The following TIAM1 variants were observed in gnomAD, a reference collection of about 807,000 sequenced individuals.
The protein encoded by TIAM1 is rho guanine nucleotide exchange factor TIAM1.
In TIAM1, 65 loss-of-function variants were observed where a neutral mutation model predicts 163.5. The ratio of observed to expected loss-of-function variants is 0.40; its 90% confidence interval spans 0.33 to 0.49. TIAM1 has a LOEUF of 0.49. Ranked by LOEUF, TIAM1 falls within the 20% of genes least tolerant of loss-of-function variation. TIAM1 has a pLI of 0.77. For synonymous variants in TIAM1, 833 were observed against 810.1 expected (o/e 1.03, Z -0.48); for missense variants, 1,789 against 2,044.7 (o/e 0.87, Z 2.41).
At chr21:31,440,293 T>A (rs1309300944) in intron 2 of TIAM1, among the ~76,000 whole-genome samples, 1 of 152,152 alleles carries the variant, frequency 6.6e-6, no homozygotes, top group Non-Finnish European at 1.5e-5. Context: ...CAATCTAGCT[T>A]TCCCTTATAA....
rs540282878 is a variant in TIAM1, at chr21:31,412,262, C to T, written c.-369+51721G>A. ...CTGTAGAGTGTGGAACGATAGACAACGAAGACTTGAAAGGATGGCGGGGTG... is the reference window on the plus strand; with the variant it reads ...CTGTAGAGTGTGGAACGATAGACAATGAAGACTTGAAAGGATGGCGGGGTG... On this transcript the variant is annotated intron_variant, in intron 2 of 28. Transcript: ENST00000286827. Among the ~76,000 whole-genome samples, 22 of 152,152 alleles carry T rather than the reference C, an allele frequency of 1.4e-4. No individual in the cohort carries two copies. The South Asian group carries it at 3.7e-3, about 26-fold the overall frequency.
At chr21:31,538,448 T>C (rs895182432) in intron 1 of TIAM1, among the ~76,000 whole-genome samples, 4 of 152,162 alleles carry the variant, frequency 2.6e-5, no homozygotes, top group Non-Finnish European at 5.9e-5. Flanking sequence ...GAGGCTGAGA[T>C]GGGAGAAGAC....
intron 2 of TIAM1, among the ~76,000 whole-genome samples, chr21:31,385,486 T>A (rs1231198762): frequency 6.6e-6 from 1 of 151,966 alleles, no homozygotes; most frequent in African/African-American, 2.4e-5. Flanking sequence ...AGGGAGAGCC[T>A]GAGAGTCACC....
At chr21:31,404,411 T>C (rs976663714) in intron 2 of TIAM1, among the ~76,000 whole-genome samples, 1 of 152,138 alleles carries the variant, frequency 6.6e-6, no homozygotes, top group African/African-American at 2.4e-5. Context: ...CTATACAACA[T>C]TTATTACAGT....
chr21:31,324,026 C>G (rs190218352), intron 2 of TIAM1, among the ~76,000 whole-genome samples: 123 of 147,690 alleles, frequency 8.3e-4, no homozygotes, highest in African/African-American at 2.9e-3. Flanking sequence ...AAAAAAAAAT[C>G]AGTGACTTCC....
chr21:31,160,646 G>A, intron 16 of TIAM1: 1 of 396,508 alleles, frequency 2.5e-6, no homozygotes, highest in Non-Finnish European at 4.4e-6. Flanking sequence ...TCTGAAGAGA[G>A]CATCCTCTCA....
At chr21:31,227,589 G>A (rs1231343323) in intron 6 of TIAM1, among the ~76,000 whole-genome samples, 2 of 151,452 alleles carry the variant, frequency 1.3e-5, no homozygotes. Context: ...TAAAGACTGA[G>A]TGGGAGGAGG....
chr21:31,250,916 G>A (rs1161120264), intron 5 of TIAM1, among the ~76,000 whole-genome samples: 1 of 152,150 alleles, frequency 6.6e-6, no homozygotes, highest in Non-Finnish European at 1.5e-5. Flanking sequence ...ATCTACACAT[G>A]CATGTCTGTA....
intron 2 of TIAM1, among the ~76,000 whole-genome samples, chr21:31,306,358 T>C (rs1181855534): frequency 1.3e-5 from 2 of 151,996 alleles, no homozygotes; most frequent in East Asian, 3.9e-4. Context: ...TACAAGTCCA[T>C]ATAGAGAGAA....
In TIAM1 at chr21:31,131,113, C is replaced by CA. The variant is rs542122911; in HGVS notation, c.3884-166dup. ...ATTCATTCATCACATCTGTGAAAAT[C>CA]AAAAGCCTATTGAGACACAAGTTTC... On this transcript the variant is annotated intron_variant, in intron 23 of 27. Coordinates refer to ENST00000541036, the MANE Select transcript of TIAM1 (RefSeq NM_001353694.2). Among the ~76,000 whole-genome samples the CA allele has an allele frequency of 6.6e-4, 101 of 152,272 alleles. 2 individuals carry two copies. In the South Asian group the frequency reaches 0.02, roughly 30 times the overall value.
intron 4 of TIAM1, among the ~76,000 whole-genome samples, chr21:31,259,629 A>AT (rs112367109): frequency 1.2e-3 from 172 of 146,260 alleles, no homozygotes; most frequent in Non-Finnish European, 2.1e-3. Flanking sequence ...TAAAAAAATA[A>AT]AATAATAATA....
At chr21:31,193,098 T>C (rs1204876693) in intron 13 of TIAM1, among the ~76,000 whole-genome samples, 1 of 152,182 alleles carries the variant, frequency 6.6e-6, no homozygotes, top group Admixed American at 6.5e-5. Context: ...TACAGTGTAA[T>C]GCTAAGTAAA....
At chr21:31,230,248 G>A (rs8131450) in intron 6 of TIAM1, among the ~76,000 whole-genome samples, 7,865 of 152,068 alleles carry the variant, frequency 0.052, 666 homozygotes, top group African/African-American at 0.18. Flanking sequence ...CAGCAAGCTC[G>A]GCTGAATATA....
intron 2 of TIAM1, among the ~76,000 whole-genome samples, chr21:31,376,952 G>A (rs1366485902): frequency 1.3e-5 from 2 of 151,784 alleles, no homozygotes; most frequent in Non-Finnish European, 2.9e-5. Flanking sequence ...TCTGCCTCCC[G>A]GGTTCAAGCA....
At chr21:31,175,606 CTTTT>C (rs141269267) in intron 15 of TIAM1, among the ~76,000 whole-genome samples, 1 of 150,308 alleles carries the variant, frequency 6.7e-6, no homozygotes, top group Admixed American at 6.6e-5. Context: ...CTTTATAAAA[CTTTT>C]TTTTTTGAGA....
At chr21:31,192,943 G>A (rs1018782401) in intron 13 of TIAM1, among the ~76,000 whole-genome samples, 5 of 152,170 alleles carry the variant, frequency 3.3e-5, no homozygotes, top group African/African-American at 1.2e-4. Flanking sequence ...GTGAATGTGA[G>A]AAATAAATGT....
At chr21:31,283,363 A>C (rs564971657) in intron 2 of TIAM1, among the ~76,000 whole-genome samples, 24 of 152,190 alleles carry the variant, frequency 1.6e-4, no homozygotes, top group Non-Finnish European at 2.8e-4. Flanking sequence ...GCCAGTGTCC[A>C]AATCTCCCAA....
At chr21:31,160,304 G>A (rs959357765) in intron 16 of TIAM1, 3 of 396,294 alleles carry the variant, frequency 7.6e-6, no homozygotes, top group African/African-American at 6.2e-5. Context: ...ATGAACAAGG[G>A]TATCCAGAGG....
At chr21:31,372,951 A>T (rs921969742) in intron 2 of TIAM1, among the ~76,000 whole-genome samples, 3 of 150,782 alleles carry the variant, frequency 2.0e-5, no homozygotes, top group Admixed American at 6.6e-5. Context: ...GCTACTCGGG[A>T]GGGTGAGGCA....
Sources: allele counts gnomAD v4.1 joint callset (sites outside exome capture counted in the v4.1 genomes callset), GRCh38; gene constraint gnomAD v4.1.1; transcripts MANE v1.5; gene names NCBI Gene and HGNC (gene_info 2026-07-23, HGNC 2026-07-21).